The following MAD1L1 variants were observed in gnomAD, a reference collection of about 807,000 sequenced individuals.
MAD1L1 encodes the protein mitotic spindle assembly checkpoint protein MAD1.
Under a neutral mutation model 96.9 loss-of-function variants are expected in MAD1L1, and 95 were observed. The observed-to-expected ratio is 0.98, with a 90% CI of 0.83 to 1.16. The LOEUF (loss-of-function observed/expected upper bound fraction) is 1.16. Among genes scored for constraint, MAD1L1 ranks in the 50% most tolerant of loss-of-function variants. The pLI is 0.00. For synonymous variants in MAD1L1, 473 were observed against 396.6 expected (o/e 1.19, Z -2.29); for missense variants, 1,007 against 954.4 (o/e 1.06, Z -0.73).
At chr7:2,040,664 T>C (rs530594158) in intron 12 of MAD1L1, among the ~76,000 whole-genome samples, 1 of 152,312 alleles carries the variant, frequency 6.6e-6, no homozygotes, top group Admixed American at 6.5e-5. Flanking sequence ...GGGGATGTGC[T>C]TCCTTAGCTC....
rs1332777715 is a variant in MAD1L1, at chr7:1,957,628, C to T, written c.1596+1G>A. 6.2e-7 allele frequency: 1 copy of T among 1,613,820 alleles called. No individual in the cohort carries two copies. On this transcript the variant is annotated splice_donor_variant, in intron 16 of 18. Transcript: ENST00000265854. LOFTEE classifies it high-confidence loss of function. ...TCACCCAGAGGCTGCCCCGCCCTCA[C>T]CTGCAGAGCTCGCCGCTCCAGCTGT...
intron 15 of MAD1L1, among the ~76,000 whole-genome samples, chr7:1,978,193 C>T (rs567260802): frequency 6.6e-6 from 1 of 152,360 alleles, no homozygotes; most frequent in South Asian, 2.1e-4. Flanking sequence ...GCACGTCATC[C>T]AGCCTTGGCC....
intron 17 of MAD1L1, among the ~76,000 whole-genome samples, chr7:1,934,685 C>A (rs1789681870): frequency 6.7e-6 from 1 of 149,294 alleles, no homozygotes. Flanking sequence ...ATGGGCGAAC[C>A]CGAGACAGGC....
chr7:2,192,138 G>A (rs1157834400), intron 10 of MAD1L1, among the ~76,000 whole-genome samples: 1 of 148,636 alleles, frequency 6.7e-6, no homozygotes, highest in African/African-American at 2.5e-5. Flanking sequence ...TGTTTTTTTT[G>A]TTTTTTTTTG....
intron 11 of MAD1L1, among the ~76,000 whole-genome samples, chr7:2,137,495 G>A (rs1210789861): frequency 6.6e-6 from 1 of 152,136 alleles, no homozygotes; most frequent in East Asian, 1.9e-4. Flanking sequence ...CCATGCAAGT[G>A]AGGGGCCCAC....
intron 18 of MAD1L1, among the ~76,000 whole-genome samples, chr7:1,886,793 A>C: frequency 6.6e-6 from 1 of 152,248 alleles, no homozygotes; most frequent in East Asian, 1.9e-4. Flanking sequence ...GACCTGCTGC[A>C]GGGCTGGGGC....
chr7:1,848,756 G>T (rs1353799953), intron 18 of MAD1L1: 1 of 154,434 alleles, frequency 6.5e-6, no homozygotes, highest in Non-Finnish European at 1.5e-5. Context: ...ATTCTGAGTT[G>T]CTGAGGATAA....
chr7:1,922,211 G>T (rs1247304277), intron 17 of MAD1L1, among the ~76,000 whole-genome samples: 1 of 152,236 alleles, frequency 6.6e-6, no homozygotes, highest in Admixed American at 6.5e-5. Flanking sequence ...AGCTGCGAGA[G>T]ACATGCAGCT....
chr7:1,918,114 C>G (rs1300849617), intron 17 of MAD1L1, among the ~76,000 whole-genome samples: 1 of 152,174 alleles, frequency 6.6e-6, no homozygotes. Flanking sequence ...CAGCCTGCCC[C>G]GGACCGTGCT....
At chr7:1,953,464 C>T (rs1240798442) in intron 16 of MAD1L1, among the ~76,000 whole-genome samples, 1 of 152,222 alleles carries the variant, frequency 6.6e-6, no homozygotes, top group African/African-American at 2.4e-5. Flanking sequence ...CCCTGACCAC[C>T]AACCTGCCCA....
At chr7:2,002,982 T>C (rs954210261) in intron 13 of MAD1L1, among the ~76,000 whole-genome samples, 2 of 3,242 alleles carry the variant, frequency 6.2e-4, no homozygotes, top group African/African-American at 2.0e-3. Context: ...CCTAAACACA[T>C]TGCGGCTCTG....
chr7:1,926,965 G>A (rs975764182), intron 17 of MAD1L1, among the ~76,000 whole-genome samples: 2 of 152,168 alleles, frequency 1.3e-5, no homozygotes, highest in African/African-American at 4.8e-5. Flanking sequence ...TGCTATGACT[G>A]CAAAGGATTA....
At chr7:2,167,302 C>A (rs896483460) in intron 10 of MAD1L1, among the ~76,000 whole-genome samples, 1 of 152,186 alleles carries the variant, frequency 6.6e-6, no homozygotes, top group Non-Finnish European at 1.5e-5. Flanking sequence ...AATCCCAGCA[C>A]TTTGGGAGGC....
intron 4 of MAD1L1, among the ~76,000 whole-genome samples, chr7:2,225,165 T>A (rs1462373399): frequency 6.6e-6 from 1 of 152,224 alleles, no homozygotes; most frequent in Non-Finnish European, 1.5e-5. Context: ...CTGGCAACCA[T>A]GACACAGGGC....
chr7:2,089,784 A>G lies in MAD1L1; in HGVS notation c.1074-20446T>C, dbSNP rs948702659. Reference sequence around the variant, plus strand: ...TCACACTTCCAAGTGCACACCTTCTAAAGGAACGGGCTTCCAAAACAAAGT... The same window carrying G: ...TCACACTTCCAAGTGCACACCTTCTGAAGGAACGGGCTTCCAAAACAAAGT... On this transcript the variant is annotated intron_variant, in intron 11 of 18. Transcript: ENST00000265854. Among the ~76,000 whole-genome samples the G allele has an allele frequency of 4.6e-5, 7 of 152,136 alleles. No individual in the cohort carries two copies. The East Asian group carries it at 5.8e-4, about 13-fold the overall frequency.
Position 2,114,206 on chromosome 7 carries a change from C to T in MAD1L1, c.1073+34946G>A, listed in dbSNP as rs918046958. 1.3e-5 allele frequency among the ~76,000 whole-genome samples: 2 copies of T among 152,170 alleles called. No homozygotes were observed. Among genetic ancestry groups the T allele is most frequent in the African/African-American group, 4.8e-5 (2 of 41,422 alleles). ...ACATTATGTCAAAATGAAAAGTTCC[C>T]AGAAGAACATGCCAGACACATGAGA... On this transcript the variant is annotated intron_variant, in intron 11 of 18. Coordinates refer to ENST00000265854, the MANE Select transcript of MAD1L1 (RefSeq NM_001013836.2). This position sits in a 1 kb window ranked among gnomAD's most constrained non-coding sequence, Gnocchi z 4.2.
intron 12 of MAD1L1, among the ~76,000 whole-genome samples, chr7:2,042,032 C>T (rs1240941070): frequency 2.6e-5 from 4 of 152,036 alleles, no homozygotes; most frequent in South Asian, 2.1e-4. Context: ...GACACACACA[C>T]GCACACGGAC....
At chr7:2,014,339 T>C (rs1014578121) in intron 13 of MAD1L1, among the ~76,000 whole-genome samples, 163 bp downstream of exon 13, 2 of 152,008 alleles carry the variant, frequency 1.3e-5, no homozygotes, top group African/African-American at 2.4e-5. Flanking sequence ...TGGATCCACA[T>C]GCAGAGGAAG....
chr7:2,156,490 C>G (rs527860844), intron 10 of MAD1L1, among the ~76,000 whole-genome samples: 2 of 151,160 alleles, frequency 1.3e-5, no homozygotes, highest in African/African-American at 4.8e-5. Flanking sequence ...TTCTTACACA[C>G]AACTACTTCC....
Sources: allele counts gnomAD v4.1 joint callset (sites outside exome capture counted in the v4.1 genomes callset), GRCh38; gene constraint gnomAD v4.1.1; non-coding constraint Gnocchi (gnomAD v3.1); transcripts MANE v1.5; gene names NCBI Gene and HGNC (gene_info 2026-07-23, HGNC 2026-07-21).